The following FIP1L1 variants were observed in gnomAD, a reference collection of about 807,000 sequenced individuals.
FIP1L1 encodes pre-mRNA 3'-end-processing factor FIP1.
FIP1L1 carries 21 observed loss-of-function variants against 84.6 expected under a neutral mutation model. That is an observed-to-expected ratio of 0.25 (90% CI 0.18 to 0.36). The LOEUF is 0.36. Ranked by LOEUF, FIP1L1 falls within the 10% of genes least tolerant of loss-of-function variation. The pLI, the probability that FIP1L1 is intolerant of heterozygous loss-of-function variation, is 1.00. For missense variants in FIP1L1, 526 were observed against 751.1 expected (o/e 0.70, Z 3.50); for synonymous variants, 263 against 242.3 (o/e 1.09, Z -0.80).
intron 5 of FIP1L1, among the ~76,000 whole-genome samples, chr4:53,385,335 T>C (rs978199252): frequency 6.6e-6 from 1 of 152,152 alleles, no homozygotes; most frequent in Non-Finnish European, 1.5e-5. Context: ...CTTTTTTTGG[T>C]AGAAATTGCA....
At chr4:53,454,547 CAG>C (rs1011547635) in intron 16 of FIP1L1, among the ~76,000 whole-genome samples, 7 of 152,272 alleles carry the variant, frequency 4.6e-5, no homozygotes, top group Admixed American at 2.6e-4. Flanking sequence ...TAGGAAAAAA[CAG>C]AGTTTGTTCA....
chr4:53,382,209 A>G, intron 3 of FIP1L1, 69 bp from the exon 4 acceptor site: 1 of 1,072,956 alleles, frequency 9.3e-7, no homozygotes. Flanking sequence ...GCTTAGAAAT[A>G]CTAATATAAT....
At chr4:53,412,254 C>G (rs888683707) in intron 10 of FIP1L1, among the ~76,000 whole-genome samples, 2 of 152,048 alleles carry the variant, frequency 1.3e-5, no homozygotes, top group African/African-American at 4.8e-5. Context: ...TGTATTTCCT[C>G]AGAACGAGGA....
At chr4:53,386,022 GA>G (rs1442853829) in intron 5 of FIP1L1, among the ~76,000 whole-genome samples, 32 of 148,538 alleles carry the variant, frequency 2.2e-4, no homozygotes, top group African/African-American at 7.5e-4. Context: ...AAATTGTTAG[GA>G]AATACAAAAT....
rs879089684 is a variant in FIP1L1 at position 53,459,238 on chromosome 4, G to A, written c.1638-64G>A. On this transcript the variant is annotated intron_variant, in intron 17 of 17. Transcript: ENST00000337488. ...TATTGAGAATTTCCTTAGAGTGATT[G>A]GATTTTTGTCACTGATTGTGTATTT... is the stretch of plus-strand genomic sequence containing the variant. 10 of 1,173,150 alleles carry A rather than the reference G, an allele frequency of 8.5e-6. No individual in the cohort carries two copies. The South Asian group carries it at 1.2e-4, about 14-fold the overall frequency. 72.7% of individuals were successfully genotyped at this position (1,173,150 alleles called of 1,614,324 possible). A position where few individuals can be genotyped will look rare whatever the true frequency, so the allele number is the denominator to read the frequency against.
chr4:53,445,351 G>C (rs544465105), intron 15 of FIP1L1, among the ~76,000 whole-genome samples: 11 of 152,228 alleles, frequency 7.2e-5, no homozygotes, highest in South Asian at 2.1e-4. Flanking sequence ...TGGAACATGT[G>C]GGGGAGTAAA....
At chr4:53,419,979 C>T (rs533689529) in intron 11 of FIP1L1, among the ~76,000 whole-genome samples, 7 of 151,774 alleles carry the variant, frequency 4.6e-5, no homozygotes, top group East Asian at 3.9e-4. Flanking sequence ...GAGGCCGAGG[C>T]GGGTGGATCA....
chr4:53,415,137 T>C (rs553555832), intron 11 of FIP1L1, among the ~76,000 whole-genome samples: 2 of 152,284 alleles, frequency 1.3e-5, no homozygotes, highest in East Asian at 1.9e-4. Flanking sequence ...TCCAATCTTA[T>C]ACCCACTACA....
chr4:53,379,063 G>A lies in FIP1L1; in HGVS notation c.86-10G>A, dbSNP rs1165235300. The A allele has an allele frequency of 6.2e-7, 1 of 1,612,692 alleles. No individual in the cohort carries two copies. Reference sequence around the variant, plus strand: ...ATTATAAGGTGATCTAACTTTGGATGTGCTTATAGGCCCATGGGACGTGCA... The same window carrying A: ...ATTATAAGGTGATCTAACTTTGGATATGCTTATAGGCCCATGGGACGTGCA... On this transcript the variant is annotated splice_polypyrimidine_tract_variant and intron_variant, in intron 1 of 17. Transcript: ENST00000337488.
chr4:53,383,710 A>G, intron 4 of FIP1L1, 63 bp from the exon 5 acceptor site: 1 of 1,433,722 alleles, frequency 7.0e-7, no homozygotes, highest in African/African-American at 1.5e-5. Flanking sequence ...TTTTTTAGTT[A>G]TTAGTATTAG....
chr4:53,399,692 T>C, intron 9 of FIP1L1, 38 bp from the exon 10 acceptor site: 2 of 1,321,284 alleles, frequency 1.5e-6, no homozygotes, highest in South Asian at 2.4e-5. Context: ...TTGAGTGTTC[T>C]GTTAAATTCA....
At chr4:53,416,976 AT>A (rs1257878054) in intron 11 of FIP1L1, among the ~76,000 whole-genome samples, 1 of 152,146 alleles carries the variant, frequency 6.6e-6, no homozygotes, top group Non-Finnish European at 1.5e-5. Context: ...AAAAAAGGAA[AT>A]ACTTAAAATA....
Position 53,377,883 on chromosome 4 carries a change from C to T in FIP1L1, c.45C>T (p.Gly15=), listed in dbSNP as rs1735387817. Reference sequence around the variant, plus strand: ...AGCGCCTAGTGTCGGAGCTGAGCGGCGGGACCGGAGGGGATGAGGAGGAAG... The same window carrying T: ...AGCGCCTAGTGTCGGAGCTGAGCGGTGGGACCGGAGGGGATGAGGAGGAAG... ...EVERLVSELS[G]GTGGDEEEEW... is the part of the protein sequence containing the mutation. Residue 15 remains glycine (G), a synonymous_variant, in exon 1 of 18, where the codon GGC becomes GGT. Transcript: ENST00000337488. The T allele has an allele frequency of 3.1e-6, 5 of 1,602,518 alleles. No individual in the cohort carries two copies. Among genetic ancestry groups the T allele is most frequent in the Admixed American group, 1.7e-5 (1 of 58,720 alleles).
intron 10 of FIP1L1, among the ~76,000 whole-genome samples, chr4:53,413,706 A>G (rs146042724): frequency 1.2e-4 from 19 of 152,184 alleles, no homozygotes; most frequent in African/African-American, 4.6e-4. Flanking sequence ...AGTTTCCTAC[A>G]GAGTTGTTAT....
chr4:53,460,686 G>C lies in FIP1L1; in HGVS notation c.*1237G>C. 2.1e-6 allele frequency: 1 copy of C among 482,016 alleles called. No homozygotes were observed. Among genetic ancestry groups the C allele is most frequent in the Non-Finnish European group, 3.6e-6 (1 of 277,858 alleles). The allele number at this position is 482,016 out of a possible 1,614,324, so 29.9% of individuals were successfully genotyped here. A position where few individuals can be genotyped will look rare whatever the true frequency, so the allele number is the denominator to read the frequency against. On this transcript the variant is annotated 3_prime_UTR_variant, in exon 18 of 18. Transcript: ENST00000337488. ...GAAAAAATATAAACAATGTTGTAGA[G>C]TAATGAGAAATCCTCCACACTGAAA...
chr4:53,423,629 A>G (rs1386209356), intron 11 of FIP1L1, among the ~76,000 whole-genome samples: 1 of 152,214 alleles, frequency 6.6e-6, no homozygotes, highest in Non-Finnish European at 1.5e-5. Flanking sequence ...ACAAAACGGT[A>G]AGCTTAATTT....
At chr4:53,412,647 G>T (rs1198633734) in intron 10 of FIP1L1, among the ~76,000 whole-genome samples, 2 of 151,978 alleles carry the variant, frequency 1.3e-5, no homozygotes, top group Non-Finnish European at 2.9e-5. Flanking sequence ...TCAGTGTATT[G>T]GCTTGGAGAT....
intron 11 of FIP1L1, among the ~76,000 whole-genome samples, chr4:53,417,759 ACACACTCTCTCTCTCT>A (rs1470273739): frequency 0.011 from 618 of 53,934 alleles, 1 homozygote; most frequent in East Asian, 0.034. Context: ...ACACACACAC[ACACACTCTCTCTCTCT>A]CTCTCTCTCT....
intron 15 of FIP1L1, among the ~76,000 whole-genome samples, chr4:53,445,650 T>C (rs978922247): frequency 3.3e-5 from 5 of 152,146 alleles, no homozygotes; most frequent in Admixed American, 3.3e-4. Flanking sequence ...TAAAGGCTAG[T>C]TGGTGAACAT....
Sources: gnomAD v4.1 joint callset for allele counts (sites outside exome capture counted in the v4.1 genomes callset) on GRCh38, gnomAD v4.1.1 for gene constraint, MANE v1.5 for transcripts, NCBI Gene and HGNC (gene_info 2026-07-23, HGNC 2026-07-21) for gene names.